The following MYO1E variants were observed in gnomAD, a reference collection of about 807,000 sequenced individuals.
MYO1E encodes unconventional myosin-Ie.
A neutral mutation model predicts 151.1 loss-of-function variants in MYO1E; 68 were observed. That is an observed-to-expected ratio of 0.45 (90% CI 0.37 to 0.55). MYO1E has a LOEUF of 0.55. MYO1E is among the 20% of genes least tolerant of loss of function. MYO1E has a pLI of 0.00. For synonymous variants in MYO1E, 601 were observed against 501.7 expected (o/e 1.20, Z -2.64); for missense variants, 1,363 against 1,389.3 (o/e 0.98, Z 0.30).
At position 59,164,187 on chromosome 15, in the gene MYO1E, T is replaced by A. The variant is rs541285921; in HGVS notation, c.2481-884A>T. ...GCTTGGTAGAAAGCAACAACATGTATGTAATTGAGAATTTGCATTCCCTGT... is the reference window on the plus strand; with the variant it reads ...GCTTGGTAGAAAGCAACAACATGTAAGTAATTGAGAATTTGCATTCCCTGT... On this transcript the variant is annotated intron_variant, in intron 22 of 27. Coordinates refer to ENST00000288235, the MANE Select transcript of MYO1E (RefSeq NM_004998.4). Among the ~76,000 whole-genome samples, 9 of 152,284 alleles carry A rather than the reference T, an allele frequency of 5.9e-5. No homozygotes were observed. In the East Asian group the frequency reaches 1.7e-3, roughly 29 times the overall value.
chr15:59,243,012 A>G (rs1401009811), intron 4 of MYO1E, among the ~76,000 whole-genome samples: 1 of 152,074 alleles, frequency 6.6e-6, no homozygotes, highest in Non-Finnish European at 1.5e-5. Flanking sequence ...CATGGGGGCC[A>G]ACGGAGTTGG....
At chr15:59,197,555 G>A (rs181972224) in intron 16 of MYO1E, among the ~76,000 whole-genome samples, 2 of 152,266 alleles carry the variant, frequency 1.3e-5, no homozygotes, top group African/African-American at 2.4e-5. Context: ...TATTATTCCT[G>A]TTTTTTAGAT....
chr15:59,176,974 C>G (rs932870983), intron 19 of MYO1E, among the ~76,000 whole-genome samples: 2 of 151,952 alleles, frequency 1.3e-5, no homozygotes, highest in African/African-American at 2.4e-5. Context: ...TGAATATAAC[C>G]CCCTCCAACG....
At chr15:59,225,650 C>CTTTTCT (rs762059714) in intron 7 of MYO1E, among the ~76,000 whole-genome samples, 1 of 139,274 alleles carries the variant, frequency 7.2e-6, no homozygotes, top group Non-Finnish European at 1.5e-5. Context: ...CTTTTCTTTT[C>CTTTTCT]TTTTTTTTTT....
At chr15:59,355,908 G>A (rs1386286749) in intron 1 of MYO1E, among the ~76,000 whole-genome samples, 1 of 151,940 alleles carries the variant, frequency 6.6e-6, no homozygotes, top group East Asian at 1.9e-4. Flanking sequence ...TTGTAGAGAC[G>A]GGGTCTCACA....
At chr15:59,191,326 C>CAGAGAGAG (rs2079731565) in intron 17 of MYO1E, among the ~76,000 whole-genome samples, 1 of 85,788 alleles carries the variant, frequency 1.2e-5, no homozygotes, top group African/African-American at 8.4e-5. Flanking sequence ...GTCAGACAGA[C>CAGAGAGAG]AGAGACAGAG....
intron 16 of MYO1E, among the ~76,000 whole-genome samples, chr15:59,197,088 G>A (rs937449738): frequency 3.8e-5 from 5 of 131,680 alleles, no homozygotes; most frequent in Admixed American, 1.9e-4. Context: ...TGCCTCCCGA[G>A]TTCAAGCGAT....
At chr15:59,309,575 C>G (rs1311374308) in intron 1 of MYO1E, among the ~76,000 whole-genome samples, 1 of 152,214 alleles carries the variant, frequency 6.6e-6, no homozygotes, top group African/African-American at 2.4e-5. Flanking sequence ...TGTGTATTCT[C>G]AGGCTGGACG....
At chr15:59,209,094 T>G in intron 13 of MYO1E, 1 of 560,298 alleles carries the variant, frequency 1.8e-6, no homozygotes, top group South Asian at 2.1e-5. Flanking sequence ...TATCCAAGAG[T>G]CATGCACAGA....
chr15:59,236,644 C>A lies in MYO1E; in HGVS notation c.361G>T (p.Ala121Ser), dbSNP rs766032411. The A allele has an allele frequency of 1.2e-6, 2 of 1,613,924 alleles. No homozygotes were observed. The highest frequency in any genetic ancestry group is 2.2e-5 in the South Asian group (2 of 91,064). Residue 121 changes from alanine (A) to serine (S), a missense_variant, in exon 5 of 28, where the codon GCT (alanine) becomes TCT (serine). Physicochemically the swap from Ala to Ser is moderately conservative, Grantham distance 99 (BLOSUM62 1). Coordinates refer to ENST00000288235, the MANE Select transcript of MYO1E (RefSeq NM_004998.4). ...ATGTAGCTCATGATATATTTGGCAG[C>A]CACTGTTTTTCCAGCACCACTTTCA... is the stretch of plus-strand genomic sequence containing the variant. The part of the protein sequence containing the change: ...SGESGAGKTV[A>S]AKYIMSYISR...
At chr15:59,322,604 T>C (rs1349026578) in intron 1 of MYO1E, among the ~76,000 whole-genome samples, 1 of 152,140 alleles carries the variant, frequency 6.6e-6, no homozygotes, top group Admixed American at 6.6e-5. Context: ...GAGCCAGAGA[T>C]GGGCTGAAAG....
chr15:59,191,238 G>C (rs561462316), intron 17 of MYO1E, among the ~76,000 whole-genome samples: 2 of 151,908 alleles, frequency 1.3e-5, no homozygotes, highest in East Asian at 3.9e-4. Flanking sequence ...GGCAAATCAT[G>C]AGGTCAGGAG....
chr15:59,326,827 AAC>A (rs1471242291), intron 1 of MYO1E, among the ~76,000 whole-genome samples: 11 of 152,234 alleles, frequency 7.2e-5, no homozygotes, highest in Admixed American at 3.9e-4. Context: ...GGACATTGGA[AAC>A]ACAACTCGAA....
intron 18 of MYO1E, among the ~76,000 whole-genome samples, chr15:59,179,902 C>A (rs564088129): frequency 6.6e-6 from 1 of 152,240 alleles, no homozygotes; most frequent in Non-Finnish European, 1.5e-5. Flanking sequence ...GCGTGGCCCA[C>A]GTGAGAGCAC....
intron 26 of MYO1E, among the ~76,000 whole-genome samples, chr15:59,141,797 C>CAA (rs753344067): frequency 0.047 from 2,120 of 44,782 alleles, 59 homozygotes; most frequent in African/African-American, 0.086. Flanking sequence ...GACTTTGTCT[C>CAA]AAAAAAAAAA....
At chr15:59,173,012 A>C (rs2079604663) in intron 21 of MYO1E, among the ~76,000 whole-genome samples, 1 of 152,252 alleles carries the variant, frequency 6.6e-6, no homozygotes, top group Non-Finnish European at 1.5e-5. Flanking sequence ...AAAAGCTCTT[A>C]ACGGGTCCAT....
At chr15:59,340,739 T>C (rs774632201) in intron 1 of MYO1E, among the ~76,000 whole-genome samples, 1 of 152,108 alleles carries the variant, frequency 6.6e-6, no homozygotes, top group African/African-American at 2.4e-5. Context: ...AAGAAAAATC[T>C]TCAGCCAGGC....
chr15:59,155,652 A>G (rs1596344693), intron 25 of MYO1E, among the ~76,000 whole-genome samples: 1 of 152,180 alleles, frequency 6.6e-6, no homozygotes, highest in African/African-American at 2.4e-5. Flanking sequence ...GAACCAGCGC[A>G]CACGCAGTAA....
chr15:59,229,203 A>G (rs984507768), intron 6 of MYO1E, among the ~76,000 whole-genome samples: 1 of 152,216 alleles, frequency 6.6e-6, no homozygotes, highest in Non-Finnish European at 1.5e-5. Flanking sequence ...GGTGTTGGAC[A>G]GGCAAGCTCC....
Sources: gnomAD v4.1 joint callset for allele counts (sites outside exome capture counted in the v4.1 genomes callset) on GRCh38, gnomAD v4.1.1 for gene constraint, MANE v1.5 for transcripts, NCBI Gene and HGNC (gene_info 2026-07-23, HGNC 2026-07-21) for gene names.